EPB41L1: variants seen among roughly 807,000 people sequenced by gnomAD.
EPB41L1 encodes erythrocyte membrane protein band 4.1 like 1, also known as band 4.1-like protein 1.
A neutral mutation model predicts 97.8 loss-of-function variants in EPB41L1; 29 were observed. That is an observed-to-expected ratio of 0.30 (90% CI 0.22 to 0.40). The LOEUF is 0.40. Ranked by LOEUF, EPB41L1 falls within the 10% of genes least tolerant of loss-of-function variation. EPB41L1 has a pLI of 1.00. For synonymous variants in EPB41L1, 383 were observed against 459.2 expected (o/e 0.83, Z 2.12); for missense variants, 812 against 1,162.3 (o/e 0.70, Z 4.38).
At chr20:36,193,925 A>C (rs937918037) in intron 11 of EPB41L1, among the ~76,000 whole-genome samples, 1 of 152,206 alleles carries the variant, frequency 6.6e-6, no homozygotes, top group Non-Finnish European at 1.5e-5. Flanking sequence ...AAGACCCAGC[A>C]ATATTATGTA....
chr20:36,214,431 G>A lies in EPB41L1; in HGVS notation c.2259G>A (p.Ser753=), dbSNP rs746208575. 9 of 1,612,672 alleles carry A rather than the reference G, an allele frequency of 5.6e-6. No individual in the cohort carries two copies. Among genetic ancestry groups the A allele is most frequent in the East Asian group, 2.2e-5 (1 of 44,842 alleles). ...CCTCCATCACCACGGAGACCATATC[G>A]ACCACCATGGTAAGTTGAACCCAGG... is the stretch of plus-strand genomic sequence containing the variant. ...TTPSITTETI[S]TTMENSLKSG... The change falls in exon 17 of 22, where the codon TCG becomes TCA. Residue 753 remains serine, a synonymous_variant. Coordinates refer to ENST00000338074, the MANE Select transcript of EPB41L1 (RefSeq NM_012156.2).
At chr20:36,174,419 T>C (rs573838847) in intron 2 of EPB41L1, among the ~76,000 whole-genome samples, 40 of 152,154 alleles carry the variant, frequency 2.6e-4, no homozygotes, top group Middle Eastern at 6.8e-3. Flanking sequence ...ATTACAGGCA[T>C]GCACCACCAC....
Position 36,173,415 on chromosome 20 carries a change from T to G in EPB41L1, c.-14-349T>G, listed in dbSNP as rs533348886. ...AGGTGAGGTGGCTGGAGAGACAGCC[T>G]GGCTTGGACCCTGCCTGGAGGCGGC... On this transcript the variant is annotated intron_variant, in intron 1 of 21. Coordinates refer to ENST00000338074, the MANE Select transcript of EPB41L1 (RefSeq NM_012156.2). 4.3e-4 allele frequency among the ~76,000 whole-genome samples: 66 copies of G among 152,310 alleles called. 1 individual carries two copies. Among genetic ancestry groups the G allele is most frequent in the African/African-American group, 1.4e-3 (59 of 41,568 alleles).
intron 1 of EPB41L1, among the ~76,000 whole-genome samples, chr20:36,169,045 G>T (rs1397306462): frequency 6.6e-6 from 1 of 151,310 alleles, no homozygotes; most frequent in Non-Finnish European, 1.5e-5. Flanking sequence ...GGCCAAGATG[G>T]TGAAACCCCG....
intron 2 of EPB41L1, among the ~76,000 whole-genome samples, chr20:36,127,771 T>C (rs2059029806): frequency 6.6e-6 from 1 of 152,020 alleles, no homozygotes; most frequent in Non-Finnish European, 1.5e-5. Context: ...TGACCTTCCA[T>C]GGCCCTCCTC....
chr20:36,092,220 G>A lies in EPB41L1; in HGVS notation c.-65+608G>A, dbSNP rs1025397240. Among the ~76,000 whole-genome samples, 1 of 152,180 alleles carries A rather than the reference G, an allele frequency of 6.6e-6. No homozygotes were observed. The highest frequency in any genetic ancestry group is 1.5e-5 in the Non-Finnish European group (1 of 68,008). ...GTCGGCGAGCTGGGCGCGGGGCCGCGGGGTTACCCCGGGGCACCGGGCACA... is the reference window on the plus strand; with the variant it reads ...GTCGGCGAGCTGGGCGCGGGGCCGCAGGGTTACCCCGGGGCACCGGGCACA... On this transcript the variant is annotated intron_variant, in intron 1 of 19. Coordinates refer to the EPB41L1 transcript ENST00000202028. This position sits in a 1 kb window ranked among gnomAD's most constrained non-coding sequence, Gnocchi z 7.0.
intron 7 of EPB41L1, 141 bp from the exon 8 acceptor site, chr20:36,187,535 A>G: frequency 1.4e-6 from 1 of 733,624 alleles, no homozygotes; most frequent in Non-Finnish European, 2.4e-6. Context: ...TCCTGCTCTG[A>G]GGGCAGAGGG....
rs370445565 is a variant in EPB41L1, at chr20:36,129,853, C to T, written c.-10+17373C>T. Among the ~76,000 whole-genome samples, 7 of 152,064 alleles carry T rather than the reference C, an allele frequency of 4.6e-5. No individual in the cohort carries two copies. The South Asian group carries it at 6.2e-4, about 14-fold the overall frequency. ...TCACAGGTGCAATCACAGCCTCAAA[C>T]TCTTTGACTCAAGGGATCCTCCTAC... On this transcript the variant is annotated intron_variant, in intron 2 of 19. Coordinates refer to the EPB41L1 transcript ENST00000202028.
chr20:36,210,297 G>A (rs1341736484), intron 15 of EPB41L1, among the ~76,000 whole-genome samples: 1 of 152,016 alleles, frequency 6.6e-6, no homozygotes, highest in Non-Finnish European at 1.5e-5. Flanking sequence ...GTCTCTCTGG[G>A]GTCTGGGCTT....
chr20:36,220,347 T>C (rs142549880), intron 19 of EPB41L1, among the ~76,000 whole-genome samples: 328 of 152,352 alleles, frequency 2.2e-3, no homozygotes, highest in Middle Eastern at 6.8e-3. Flanking sequence ...AACTTTGTGT[T>C]AGCCTCTGTG....
chr20:36,170,572 C>T (rs1437061022), intron 1 of EPB41L1, among the ~76,000 whole-genome samples: 2 of 152,166 alleles, frequency 1.3e-5, no homozygotes, highest in African/African-American at 2.4e-5. Context: ...AGAGGTGGCT[C>T]CTGCCACGTC....
intron 8 of EPB41L1, 135 bp from the exon 9 acceptor site, chr20:36,188,212 C>A: frequency 1.7e-6 from 2 of 1,199,442 alleles, no homozygotes; most frequent in Non-Finnish European, 2.5e-6. Flanking sequence ...CAGTGGGACT[C>A]CAGCATGGAG....
At chr20:36,145,249 G>A (rs2089081249) in intron 2 of EPB41L1, among the ~76,000 whole-genome samples, 1 of 152,022 alleles carries the variant, frequency 6.6e-6, no homozygotes, top group East Asian at 1.9e-4. Context: ...AAATTAGCCG[G>A]TTGTGGTGGT....
intron 19 of EPB41L1, among the ~76,000 whole-genome samples, chr20:36,220,256 T>C (rs189082682): frequency 6.6e-6 from 1 of 152,346 alleles, no homozygotes; most frequent in African/African-American, 2.4e-5. Context: ...GATGCGGGTG[T>C]TCTAAGCAAA....
At chr20:36,106,480 C>T (rs150988786) in intron 1 of EPB41L1, among the ~76,000 whole-genome samples, 1 of 152,344 alleles carries the variant, frequency 6.6e-6, no homozygotes, top group East Asian at 1.9e-4. Context: ...GCCACAGCCT[C>T]ATCCTCTGAA....
At chr20:36,130,656 G>A (rs1230856790) in intron 2 of EPB41L1, among the ~76,000 whole-genome samples, 1 of 152,170 alleles carries the variant, frequency 6.6e-6, no homozygotes, top group East Asian at 1.9e-4. Flanking sequence ...TGGGTAAAAG[G>A]CTGTGGCTGC....
Position 36,173,798 on chromosome 20 carries a change from C to G in EPB41L1, c.21C>G (p.Pro7=). 6.2e-7 allele frequency: 1 copy of G among 1,614,150 alleles called. No homozygotes were observed. The highest frequency in any genetic ancestry group is 8.5e-7 in the Non-Finnish European group (1 of 1,180,024). The part of the protein sequence containing the change: MTTETG[P]DSEVKKAQEE... ...TCACCATGACAACAGAGACAGGCCC[C>G]GACTCTGAGGTGAAGAAAGCTCAGG... Residue 7 remains proline (P), a synonymous_variant, in exon 2 of 22, where the codon CCC becomes CCG. Transcript: ENST00000338074.
intron 13 of EPB41L1, chr20:36,197,614 G>A: frequency 2.0e-6 from 2 of 985,108 alleles, no homozygotes; most frequent in South Asian, 9.4e-5. Flanking sequence ...AGAAGCGAAG[G>A]TGGCTTGACT....
chr20:36,201,732 C>T (rs1365463884), intron 14 of EPB41L1, among the ~76,000 whole-genome samples: 1 of 152,170 alleles, frequency 6.6e-6, no homozygotes, highest in Non-Finnish European at 1.5e-5. Context: ...TCCTGTGGCC[C>T]TTCATGGATG....
Sources: allele counts gnomAD v4.1 joint callset (sites outside exome capture counted in the v4.1 genomes callset), GRCh38; gene constraint gnomAD v4.1.1; non-coding constraint Gnocchi (gnomAD v3.1); transcripts MANE v1.5; gene names NCBI Gene and HGNC (gene_info 2026-07-23, HGNC 2026-07-21).